The following TSGA10 variants were observed in gnomAD, a reference collection of about 807,000 sequenced individuals.
TSGA10 encodes the protein testis specific 10, also known as testis-specific gene 10 protein.
In TSGA10, 43 loss-of-function variants were observed where a neutral mutation model predicts 96.6. The observed-to-expected ratio is 0.44, with a 90% CI of 0.35 to 0.57. The LOEUF (loss-of-function observed/expected upper bound fraction) is 0.57, where lower values mean the gene tolerates loss of function less well. Ranked by LOEUF, TSGA10 falls within the 20% of genes least tolerant of loss-of-function variation. The pLI is 0.01. For synonymous variants in TSGA10, 229 were observed against 269.9 expected (o/e 0.85, Z 1.48); for missense variants, 703 against 834.4 (o/e 0.84, Z 1.94).
intron 16 of TSGA10, among the ~76,000 whole-genome samples, chr2:99,036,508 C>A (rs557162852): frequency 6.6e-6 from 1 of 151,970 alleles, no homozygotes; most frequent in East Asian, 1.9e-4. Flanking sequence ...TAAATACATA[C>A]AAAGAAAATA....
chr2:99,047,750 G>T (rs913521321), intron 16 of TSGA10, among the ~76,000 whole-genome samples: 3 of 152,124 alleles, frequency 2.0e-5, no homozygotes, highest in Non-Finnish European at 2.9e-5. Context: ...GAAATAAAGG[G>T]CATTCAATTA....
chr2:98,997,307 A>G lies in TSGA10; in HGVS notation c.*890T>C, dbSNP rs2077555526. On this transcript the variant is annotated 3_prime_UTR_variant, in exon 21 of 21. Coordinates refer to ENST00000393483, the MANE Select transcript of TSGA10 (RefSeq NM_025244.4). ...TTTTATTAAAATGGCAAGAATACAA[A>G]TAGTTTATATCAGTAAAATACAGTA... is the stretch of plus-strand genomic sequence containing the variant. 6.6e-6 allele frequency: 1 copy of G among 152,072 alleles called. No homozygotes were observed. Among genetic ancestry groups the G allele is most frequent in the African/African-American group, 2.4e-5 (1 of 41,434 alleles). 9.4% of individuals were successfully genotyped at this position (152,072 alleles called of 1,614,324 possible). A position where few individuals can be genotyped will look rare whatever the true frequency, so the allele number is the denominator to read the frequency against.
At position 99,061,286 on chromosome 2, in the gene TSGA10, C is replaced by T. The variant is rs199806622; in HGVS notation, c.1404+3653G>A. ...ACCAGTAAGCATGTGAAAATCTGTT[C>T]AACATCATTAGTCGTGAGGAAAAGG... On this transcript the variant is annotated intron_variant, in intron 16 of 20. Coordinates refer to ENST00000393483, the MANE Select transcript of TSGA10 (RefSeq NM_025244.4). Among the ~76,000 whole-genome samples, 5 of 152,272 alleles carry T rather than the reference C, an allele frequency of 3.3e-5. No individual in the cohort carries two copies. In the East Asian group the frequency reaches 7.7e-4, roughly 23 times the overall value.
intron 20 of TSGA10, among the ~76,000 whole-genome samples, chr2:99,015,297 C>G (rs4622780): frequency 0.32 from 48,758 of 151,976 alleles, 8,455 homozygotes; most frequent in African/African-American, 0.45. Context: ...ACACCATGAC[C>G]AAGTGAGTTG....
chr2:99,059,557 T>G (rs2084420547), intron 16 of TSGA10, among the ~76,000 whole-genome samples: 1 of 151,636 alleles, frequency 6.6e-6, no homozygotes, highest in Non-Finnish European at 1.5e-5. Context: ...GAGAATTGCT[T>G]GAACCTGGGA....
chr2:99,038,197 T>C (rs138501457), intron 16 of TSGA10, among the ~76,000 whole-genome samples: 3 of 151,960 alleles, frequency 2.0e-5, no homozygotes, highest in African/African-American at 7.2e-5. Context: ...CAAAATAGAA[T>C]CTCTTTAAAG....
At chr2:99,015,336 A>G (rs147194348) in intron 20 of TSGA10, among the ~76,000 whole-genome samples, 51 of 152,344 alleles carry the variant, frequency 3.3e-4, no homozygotes, top group Non-Finnish European at 6.6e-4. Context: ...ATGGTTTAAC[A>G]TATGCAAGTC....
intron 16 of TSGA10, among the ~76,000 whole-genome samples, chr2:99,042,557 G>A (rs2104236768): frequency 6.6e-6 from 1 of 152,302 alleles, no homozygotes; most frequent in South Asian, 2.1e-4. Flanking sequence ...CTACCGTCAA[G>A]CCTAGGAGTG....
intron 16 of TSGA10, among the ~76,000 whole-genome samples, chr2:99,058,396 T>TA (rs925398760): frequency 2.0e-5 from 3 of 152,070 alleles, no homozygotes; most frequent in South Asian, 2.1e-4. Flanking sequence ...AAGAATGGGC[T>TA]AAAACCAATG....
intron 1 of TSGA10, among the ~76,000 whole-genome samples, chr2:99,149,653 A>C (rs1017366905): frequency 6.6e-6 from 1 of 151,728 alleles, no homozygotes; most frequent in Admixed American, 6.6e-5. Context: ...CATATTAGCC[A>C]GGATGGTCTC....
chr2:99,062,291 CA>C lies in TSGA10; in HGVS notation c.1404+2647del, dbSNP rs370248631. On this transcript the variant is annotated intron_variant, in intron 16 of 20. Coordinates refer to ENST00000393483, the MANE Select transcript of TSGA10 (RefSeq NM_025244.4). ...ATCAAATATTGATTACATAATCTGC[CA>C]CTAAGCAATTCTTAGCAGATAACAA... 5.5e-4 allele frequency among the ~76,000 whole-genome samples: 83 copies of C among 152,048 alleles called. 1 individual carries two copies. The East Asian group carries it at 8.3e-3, about 15-fold the overall frequency.
intron 16 of TSGA10, among the ~76,000 whole-genome samples, chr2:99,052,888 C>T (rs540853061): frequency 2.0e-5 from 3 of 152,078 alleles, no homozygotes; most frequent in African/African-American, 4.8e-5. Context: ...GGGCAACATG[C>T]CCATCTCTAC....
rs560946184 is a variant in TSGA10 at position 99,024,785 on chromosome 2, C to T, written c.1615-4303G>A. ...TACAGTGTTTGCTGTGGGTTTTTCA[C>T]AGGTGCCCTTTATGAGGTCAAGAAA... On this transcript the variant is annotated intron_variant, in intron 17 of 20. Transcript: ENST00000393483. 3.9e-5 allele frequency among the ~76,000 whole-genome samples: 6 copies of T among 152,248 alleles called. No homozygotes were observed. The East Asian group carries it at 1.2e-3, about 29-fold the overall frequency.
At chr2:99,132,944 C>T (rs771229623) in intron 1 of TSGA10, among the ~76,000 whole-genome samples, 5 of 152,200 alleles carry the variant, frequency 3.3e-5, no homozygotes, top group African/African-American at 1.2e-4. Context: ...TTTGATTGCA[C>T]TGTGGTCTGC....
intron 1 of TSGA10, 111 bp from the exon 2 acceptor site, chr2:99,127,287 C>A (rs1474149744): frequency 2.2e-5 from 19 of 872,486 alleles, no homozygotes; most frequent in Non-Finnish European, 2.2e-5. Context: ...TTTTTTTAAC[C>A]ATTTCCCACC....
intron 1 of TSGA10, chr2:99,141,367 T>C: frequency 5.3e-6 from 1 of 188,060 alleles, no homozygotes; most frequent in South Asian, 6.4e-5. Context: ...GTCTTCCACC[T>C]CCCCGGCGCC....
intron 16 of TSGA10, among the ~76,000 whole-genome samples, chr2:99,048,435 C>G (rs1221249934): frequency 6.6e-6 from 1 of 152,106 alleles, no homozygotes; most frequent in African/African-American, 2.4e-5. Context: ...CACACATCTA[C>G]AACTATCTGC....
chr2:99,009,196 C>A (rs368677478), intron 20 of TSGA10, among the ~76,000 whole-genome samples: 2 of 152,008 alleles, frequency 1.3e-5, no homozygotes, highest in East Asian at 3.9e-4. Context: ...ATGTTACTTA[C>A]AATGAATACC....
chr2:99,124,570 T>C (rs969292184), intron 2 of TSGA10, among the ~76,000 whole-genome samples: 2 of 152,110 alleles, frequency 1.3e-5, no homozygotes, highest in East Asian at 3.8e-4. Context: ...ATTGATGAAA[T>C]AATACTGTTA....
Sources: allele counts gnomAD v4.1 joint callset (sites outside exome capture counted in the v4.1 genomes callset), GRCh38; gene constraint gnomAD v4.1.1; transcripts MANE v1.5; gene names NCBI Gene and HGNC (gene_info 2026-07-23, HGNC 2026-07-21).